Variants in DNAJC3 observed in about 807,000 individuals in gnomAD.
DNAJC3 encodes the protein DnaJ heat shock protein family (Hsp40) member C3, also known as dnaJ homolog subfamily C member 3.
A neutral mutation model predicts 68.6 loss-of-function variants in DNAJC3; 38 were observed. That is an observed-to-expected ratio of 0.55 (90% CI 0.43 to 0.73). The LOEUF is 0.73. Ranked by LOEUF, DNAJC3 falls within the 30% of genes least tolerant of loss-of-function variation. DNAJC3 has a pLI of 0.00. For synonymous variants in DNAJC3, 203 were observed against 204.0 expected (o/e 1.00, Z 0.04); for missense variants, 526 against 591.9 (o/e 0.89, Z 1.16).
At chr13:95,782,743 G>A (rs930140751) in intron 9 of DNAJC3, among the ~76,000 whole-genome samples, 1 of 152,034 alleles carries the variant, frequency 6.6e-6, no homozygotes, top group Non-Finnish European at 1.5e-5. Context: ...CCCATTCATG[G>A]CAACAAAATT....
chr13:95,700,859 T>C (rs1410957437), intron 1 of DNAJC3, among the ~76,000 whole-genome samples: 1 of 152,198 alleles, frequency 6.6e-6, no homozygotes, highest in Non-Finnish European at 1.5e-5. Flanking sequence ...AGATACTGAA[T>C]TGGTTTCCTT....
chr13:95,677,191 C>G lies in DNAJC3; in HGVS notation c.-65C>G. ...GACGGCGGGCGGGCGCAGCTGCTGC[C>G]GGAGCGCCGGCGCGTGCTGGTGGGC... On this transcript the variant is annotated 5_prime_UTR_variant, in exon 1 of 12. Transcript: ENST00000602402. The G allele has an allele frequency of 1.3e-6, 2 of 1,497,468 alleles. No homozygotes were observed. Among genetic ancestry groups the G allele is most frequent in the Non-Finnish European group, 1.8e-6 (2 of 1,108,320 alleles). The allele number at this position is 1,497,468 out of a possible 1,614,324, so 92.8% of individuals were successfully genotyped here. A position where few individuals can be genotyped will look rare whatever the true frequency, so the allele number is the denominator to read the frequency against.
rs1407981681 is a variant in DNAJC3 at position 95,791,718 on chromosome 13, A to G, written c.*688A>G. The G allele has an allele frequency of 6.6e-6, 1 of 152,250 alleles. No individual in the cohort carries two copies. The highest frequency in any genetic ancestry group is 1.5e-5 in the Non-Finnish European group (1 of 68,052). The allele number at this position is 152,250 out of a possible 1,614,324, so 9.4% of individuals were successfully genotyped here. On this transcript the variant is annotated 3_prime_UTR_variant, in exon 12 of 12. Transcript: ENST00000602402. ...ACCTGAAGAAGAATACTGAAACTTG[A>G]ATCTATAAATTCCTATGGACCCTTT...
chr13:95,768,834 G>C (rs560001295), intron 9 of DNAJC3, among the ~76,000 whole-genome samples: 18 of 152,094 alleles, frequency 1.2e-4, no homozygotes, highest in African/African-American at 4.3e-4. Flanking sequence ...AATTAGCCAG[G>C]CATGGTGGTA....
At position 95,787,121 on chromosome 13, in the gene DNAJC3, T is replaced by A. The variant is rs185832840; in HGVS notation, c.1323T>A (p.Asp441Glu). Residue 441 changes from aspartate to glutamate, a missense_variant, in exon 11 of 12, where the codon GAT becomes GAA. Transcript: ENST00000602402. ...EKKKAEKKFI[D>E]IAAAKEVLSD... ...AAAAAGCTGAGAAAAAGTTCATTGATATAGCAGCTGCTAAAGAAGTCCTCT... is the reference window on the plus strand; with the variant it reads ...AAAAAGCTGAGAAAAAGTTCATTGAAATAGCAGCTGCTAAAGAAGTCCTCT... 104 of 1,613,352 alleles carry A rather than the reference T, an allele frequency of 6.4e-5. 1 individual carries two copies. In the East Asian group the frequency reaches 2.1e-3, roughly 33 times the overall value.
chr13:95,765,567 GTTTTTTTTTTTT>G lies in DNAJC3; in HGVS notation c.1075+1624_1075+1635del, dbSNP rs1024972959. The stretch of plus-strand genomic sequence containing the variant: ...AGTGCTAATTTAATATAATTGATCT[GTTTTTTTTTTTT>G]TTTTTTTTTGGAAATGGAGTCTTGG... On this transcript the variant is annotated intron_variant, in intron 9 of 11. Coordinates refer to ENST00000602402, the MANE Select transcript of DNAJC3 (RefSeq NM_006260.5). 3.9e-5 allele frequency among the ~76,000 whole-genome samples: 4 copies of G among 102,336 alleles called. No homozygotes were observed. The South Asian group carries it at 9.6e-4, about 25-fold the overall frequency. 67.1% of individuals were successfully genotyped at this position (102,336 alleles called of 152,430 possible). A position where few individuals can be genotyped will look rare whatever the true frequency, so the allele number is the denominator to read the frequency against.
chr13:95,768,977 A>C (rs1255237236), intron 9 of DNAJC3, among the ~76,000 whole-genome samples: 1 of 143,750 alleles, frequency 7.0e-6, no homozygotes, highest in Non-Finnish European at 1.5e-5. Flanking sequence ...CTCAGTCTCC[A>C]AAAAATTATC....
intron 4 of DNAJC3, among the ~76,000 whole-genome samples, chr13:95,751,524 C>T (rs1340187634): frequency 1.3e-5 from 2 of 152,078 alleles, no homozygotes; most frequent in African/African-American, 4.8e-5. Context: ...CTTAGGATAC[C>T]TCCATTTTGA....
chr13:95,781,109 C>T (rs894043321), intron 9 of DNAJC3, among the ~76,000 whole-genome samples: 1 of 151,978 alleles, frequency 6.6e-6, no homozygotes, highest in African/African-American at 2.4e-5. Flanking sequence ...TTTTACTGAT[C>T]GGGGGTCAGT....
intron 9 of DNAJC3, among the ~76,000 whole-genome samples, chr13:95,768,583 AT>A (rs1478858169): frequency 6.6e-6 from 1 of 152,150 alleles, no homozygotes; most frequent in East Asian, 1.9e-4. Context: ...CTAGGGTGTT[AT>A]CCTGTTTGCA....
In DNAJC3 at chr13:95,760,797, A is replaced by T. The variant is rs1479799471; in HGVS notation, c.847A>T (p.Arg283Ter). ...ESAEELIRDG[R>*]YTDATSKYES... ...AGCTGAAGAGCTCATCAGAGATGGC[A>T]GGTGAGAATATGGTTGTTCCAACTG... Residue 283 changes from arginine to a stop codon, truncating the protein, a stop_gained and splice_region_variant, in exon 7 of 12, where the codon AGA becomes TGA. Transcript: ENST00000602402. LOFTEE classifies it high-confidence loss of function. 5 of 1,610,626 alleles carry T rather than the reference A, an allele frequency of 3.1e-6. No homozygotes were observed. Among genetic ancestry groups the T allele is most frequent in the Non-Finnish European group, 4.2e-6 (5 of 1,178,326 alleles).
intron 1 of DNAJC3, among the ~76,000 whole-genome samples, chr13:95,686,485 C>T (rs1035350217): frequency 3.3e-5 from 5 of 152,026 alleles, no homozygotes; most frequent in African/African-American, 1.2e-4. Context: ...TGTTTGGGGT[C>T]TTCGTCATAA....
At chr13:95,697,155 A>T (rs966328002) in intron 1 of DNAJC3, among the ~76,000 whole-genome samples, 1 of 152,186 alleles carries the variant, frequency 6.6e-6, no homozygotes, top group Non-Finnish European at 1.5e-5. Flanking sequence ...ATCATGGCAA[A>T]CATCATCCTT....
At chr13:95,752,799 A>G (rs937967718) in intron 4 of DNAJC3, among the ~76,000 whole-genome samples, 3 of 152,180 alleles carry the variant, frequency 2.0e-5, no homozygotes, top group African/African-American at 7.2e-5. Context: ...TTTGAGAATC[A>G]CTGCTACAGT....
intron 11 of DNAJC3, among the ~76,000 whole-genome samples, chr13:95,789,489 T>C (rs1883701058): frequency 6.6e-6 from 1 of 152,222 alleles, no homozygotes; most frequent in Admixed American, 6.5e-5. Flanking sequence ...ATGATCTCAT[T>C]CTTTTTTATG....
intron 4 of DNAJC3, among the ~76,000 whole-genome samples, chr13:95,734,428 T>TA (rs1881821916): frequency 6.6e-6 from 1 of 152,208 alleles, no homozygotes; most frequent in Non-Finnish European, 1.5e-5. Context: ...CTAAATGTTT[T>TA]TATCTTCTGT....
At chr13:95,726,056 T>C (rs1195428695) in intron 4 of DNAJC3, among the ~76,000 whole-genome samples, 1 of 152,094 alleles carries the variant, frequency 6.6e-6, no homozygotes, top group Middle Eastern at 3.2e-3. Context: ...TGCCACATTT[T>C]CTTAATCCAG....
In DNAJC3 at chr13:95,772,917, A is replaced by G. The variant is rs1290137556; in HGVS notation, c.1075+8964A>G. Among the ~76,000 whole-genome samples the G allele has an allele frequency of 1.4e-4, 22 of 152,142 alleles. 1 individual carries two copies. Among genetic ancestry groups the G allele is most frequent in the Admixed American group, 1.4e-3 (22 of 15,264 alleles). ...AAGTGTGCACCTATGTTCATGAGGG[A>G]TAATTGCTCTGTAACTTTTTTTGGT... On this transcript the variant is annotated intron_variant, in intron 9 of 11. Transcript: ENST00000602402.
chr13:95,722,815 G>GCCCCCCC (rs759729876), intron 2 of DNAJC3, among the ~76,000 whole-genome samples: 4 of 15,332 alleles, frequency 2.6e-4, no homozygotes, highest in Non-Finnish European at 4.5e-4. Context: ...CACCTTGTCC[G>GCCCCCCC]CCCCCCCCCC....
Sources: gnomAD v4.1 joint callset for allele counts (sites outside exome capture counted in the v4.1 genomes callset) on GRCh38, gnomAD v4.1.1 for gene constraint, MANE v1.5 for transcripts, NCBI Gene and HGNC (gene_info 2026-07-23, HGNC 2026-07-21) for gene names.